Variants in OXA1L observed in about 807,000 individuals in gnomAD.
The protein encoded by OXA1L is mitochondrial inner membrane protein OXA1L.
Under a neutral mutation model 52.2 loss-of-function variants are expected in OXA1L, and 42 were observed. The ratio of observed to expected loss-of-function variants is 0.80; its 90% CI spans 0.63 to 1.04. The LOEUF (loss-of-function observed/expected upper bound fraction) is 1.04, where lower values mean the gene tolerates loss of function less well. Among genes scored for constraint, OXA1L ranks in the 50% least tolerant of loss-of-function variants. The probability of loss-of-function intolerance (pLI) is 0.00; values close to 1 mark genes in which losing one functional copy is unlikely to be tolerated. For synonymous variants in OXA1L, 239 were observed against 201.9 expected (o/e 1.18, Z -1.56); for missense variants, 572 against 555.0 (o/e 1.03, Z -0.31).
intron 6 of OXA1L, 28 bp downstream of exon 6, chr14:22,770,653 C>G (rs778139833): frequency 6.2e-7 from 1 of 1,604,322 alleles, no homozygotes; most frequent in Non-Finnish European, 8.5e-7. Context: ...AAGTGCCAGG[C>G]CTGCAAAGTG....
chr14:22,767,230 A>C lies in OXA1L; in HGVS notation c.64-18A>C. 1 of 1,595,058 alleles carries C rather than the reference A, an allele frequency of 6.3e-7. No homozygotes were observed. Among genetic ancestry groups the C allele is most frequent in the Non-Finnish European group, 8.5e-7 (1 of 1,172,080 alleles). On this transcript the variant is annotated intron_variant, in intron 1 of 9. Transcript: ENST00000612549. Reference sequence around the variant, plus strand: ...CTGCTCCCGGTAAAGGGGCTCCATCATCCTTTTACACGCTCAGGTCCACAG... The same window carrying C: ...CTGCTCCCGGTAAAGGGGCTCCATCCTCCTTTTACACGCTCAGGTCCACAG...
chr14:22,770,686 A>G, intron 6 of OXA1L, 61 bp downstream of exon 6: 2 of 1,571,808 alleles, frequency 1.3e-6, no homozygotes, highest in Non-Finnish European at 1.7e-6. Flanking sequence ...AGGGTAAAGT[A>G]GTTGTACAGA....
chr14:22,770,826 C>G lies in OXA1L; in HGVS notation c.856C>G (p.Gln286Glu). The change falls in exon 7 of 10, where the codon CAA becomes GAA. Residue 286 changes from glutamine (Q) to glutamate (E), a missense_variant. Gln to Glu is a conservative substitution (Grantham distance 29, BLOSUM62 2). Coordinates refer to ENST00000612549, the MANE Select transcript of OXA1L (RefSeq NM_005015.5). ...GCAGCTAGGTGCTGAGACAGGTGTG[C>G]AAAGTTCTGACCTTCAGTGGATGAG... ...VLELGAETGV[Q>E]SSDLQWMRNV... 1 of 1,614,120 alleles carries G rather than the reference C, an allele frequency of 6.2e-7. No individual in the cohort carries two copies. Among genetic ancestry groups the G allele is most frequent in the East Asian group, 2.2e-5 (1 of 44,888 alleles).
chr14:22,769,474 C>T (rs2038439040), intron 3 of OXA1L, among the ~76,000 whole-genome samples: 1 of 152,196 alleles, frequency 6.6e-6, no homozygotes, highest in South Asian at 2.1e-4. Flanking sequence ...CTGGCTTTTA[C>T]TCATATCACC....
chr14:22,767,646 A>G (rs1303086659), intron 2 of OXA1L: 2 of 515,524 alleles, frequency 3.9e-6, no homozygotes, highest in Non-Finnish European at 6.8e-6. Context: ...AAGAAAAGCA[A>G]TTGTTTCATG....
In OXA1L at chr14:22,768,137, T is replaced by G. The variant is rs549435415; in HGVS notation, c.405T>G (p.Asp135Glu). ...ATTTACTGGAATTTATGCATGTTGA[T>G]CTGGGCCTACCTTGGTGGGGGGCCA... is the stretch of plus-strand genomic sequence containing the variant. ...IQNLLEFMHV[D>E]LGLPWWGAIA... Residue 135 changes from aspartate to glutamate, a missense_variant, in exon 3 of 10, where the codon GAT becomes GAG. This residue lies in a region of OXA1L where 132 missense variants were observed against 124.0 expected (regional missense o/e 1.06). Transcript: ENST00000612549. 14 of 1,614,196 alleles carry G rather than the reference T, an allele frequency of 8.7e-6. 1 individual carries two copies. In the South Asian group the frequency reaches 1.5e-4, roughly 18 times the overall value.
Position 22,771,002 on chromosome 14 carries a change from C to G in OXA1L, c.940-16C>G. ...GGGATACAGCTTCTGAGTCCCTTCT[C>G]TGTGTTCTCACCCAGGCAGTGTTTA... On this transcript the variant is annotated splice_polypyrimidine_tract_variant and intron_variant, in intron 7 of 9. Coordinates refer to ENST00000612549, the MANE Select transcript of OXA1L (RefSeq NM_005015.5). The G allele has an allele frequency of 6.2e-7, 1 of 1,614,170 alleles. No individual in the cohort carries two copies. Among genetic ancestry groups the G allele is most frequent in the African/African-American group, 1.3e-5 (1 of 75,062 alleles).
Position 22,771,494 on chromosome 14 carries a change from C to A in OXA1L, c.1244C>A (p.Pro415His). The part of the protein sequence containing the change: ...PLLQPGKDNP[P>H]NIPSSSSKPK... ...CTACAACCTGGAAAGGATAACCCTC[C>A]CAATATCCCTAGCAGCAGCAGCAAA... Residue 415 changes from proline to histidine, a missense_variant, in exon 10 of 10, where the codon CCC (proline) becomes CAC (histidine). Pro to His is a moderately conservative substitution (Grantham distance 77). Around this residue, in one of 5 missense-constraint regions of OXA1L, gnomAD observed 244 missense variants for 240.2 expected, o/e 1.02. Coordinates refer to ENST00000612549, the MANE Select transcript of OXA1L (RefSeq NM_005015.5). The A allele has an allele frequency of 6.2e-7, 1 of 1,608,088 alleles. No homozygotes were observed. The highest frequency in any genetic ancestry group is 8.5e-7 in the Non-Finnish European group (1 of 1,177,096).
chr14:22,767,116 G>A, intron 1 of OXA1L, 132 bp from the exon 2 acceptor site: 1 of 1,535,320 alleles, frequency 6.5e-7, no homozygotes. Flanking sequence ...TGCGCGCGGT[G>A]ATAGCAATGT....
At chr14:22,767,067 T>G (rs971262003) in intron 1 of OXA1L, 181 bp from the exon 2 acceptor site, 4 of 1,536,408 alleles carry the variant, frequency 2.6e-6, no homozygotes, top group Admixed American at 3.9e-5. Context: ...AGCTTCGCTC[T>G]GCAGGCACCA....
Position 22,770,189 on chromosome 14 carries a change from A to G in OXA1L, c.584-4A>G. 6.2e-7 allele frequency: 1 copy of G among 1,600,106 alleles called. No homozygotes were observed. Among genetic ancestry groups the G allele is most frequent in the Non-Finnish European group, 8.6e-7 (1 of 1,167,366 alleles). On this transcript the variant is annotated splice_region_variant and splice_polypyrimidine_tract_variant and intron_variant, in intron 4 of 9. Transcript: ENST00000612549. ...CCAACCATTAATTTCCCCTCACCTCACAGATTACAAGGCTTCCTCGGAGAT... is the reference window on the plus strand; with the variant it reads ...CCAACCATTAATTTCCCCTCACCTCGCAGATTACAAGGCTTCCTCGGAGAT...
intron 4 of OXA1L, 121 bp from the exon 5 acceptor site, chr14:22,770,072 T>A: frequency 7.3e-7 from 1 of 1,373,246 alleles, no homozygotes; most frequent in Non-Finnish European, 1.0e-6. Context: ...TTCTTAGACC[T>A]AATGCTCCCA....
Position 22,771,542 on chromosome 14 carries a change from A to G in OXA1L, c.1292A>G (p.His431Arg). The G allele has an allele frequency of 6.2e-7, 1 of 1,614,212 alleles. No individual in the cohort carries two copies. Residue 431 changes from histidine (H) to arginine (R), a missense_variant, in exon 10 of 10, where the codon CAC becomes CGC. By Grantham distance (29) the His-to-Arg change is conservative. Coordinates refer to ENST00000612549, the MANE Select transcript of OXA1L (RefSeq NM_005015.5). ...AAACCAAAGTCAAAGTATCCCTGGC[A>G]CGACACACTTGGCTGACTTATGTTC... ...SSKPKSKYPW[H>R]DTLG
At chr14:22,768,324 T>C (rs2038428573) in intron 3 of OXA1L, 153 bp downstream of exon 3, 2 of 624,898 alleles carry the variant, frequency 3.2e-6, no homozygotes, top group Admixed American at 2.6e-5. Flanking sequence ...CTAGATGCAC[T>C]CTGCCTATAT....
chr14:22,772,555 A>G lies in OXA1L; in HGVS notation c.*997A>G, dbSNP rs569315726. ...TTCCAACCCATGCATGTGTTGTTCT[A>G]TGCACATTTGGATTGCAGTCTAGAG... On this transcript the variant is annotated 3_prime_UTR_variant, in exon 10 of 10. Coordinates refer to ENST00000612549, the MANE Select transcript of OXA1L (RefSeq NM_005015.5). The G allele has an allele frequency of 3.4e-5, 5 of 146,344 alleles. No individual in the cohort carries two copies. Among genetic ancestry groups the G allele is most frequent in the South Asian group, 2.2e-4 (1 of 4,590 alleles). 9.1% of individuals were successfully genotyped at this position (146,344 alleles called of 1,614,324 possible). A position where few individuals can be genotyped will look rare whatever the true frequency, so the allele number is the denominator to read the frequency against.
rs1159298878 is a variant in OXA1L, at chr14:22,772,496, A to C, written c.*938A>C. The C allele has an allele frequency of 5.9e-5, 2 of 34,172 alleles. No individual in the cohort carries two copies. Among genetic ancestry groups the C allele is most frequent in the African/African-American group, 1.4e-4 (2 of 14,486 alleles). 2.1% of individuals were successfully genotyped at this position (34,172 alleles called of 1,614,324 possible). A position where few individuals can be genotyped will look rare whatever the true frequency, so the allele number is the denominator to read the frequency against. ...AGAGTGAGACTCCTTCTCAAAAAAA[A>C]AAAAAAAAAAAAAAAAAAAAAAACA... On this transcript the variant is annotated 3_prime_UTR_variant, in exon 10 of 10. Transcript: ENST00000612549.
chr14:22,769,667 T>C (rs1312009438), intron 3 of OXA1L, 124 bp from the exon 4 acceptor site: 2 of 989,578 alleles, frequency 2.0e-6, no homozygotes, highest in South Asian at 3.1e-5. Context: ...CTGGGCCTCT[T>C]AGGCATGAGT....
chr14:22,770,996 C>T, intron 7 of OXA1L, 22 bp from the exon 8 acceptor site: 1 of 1,614,090 alleles, frequency 6.2e-7, no homozygotes, highest in Non-Finnish European at 8.5e-7. Context: ...CTTCTGAGTC[C>T]CTTCTCTGTG....
In OXA1L at chr14:22,767,457, T is replaced by C. The variant is rs201474062; in HGVS notation, c.225+48T>C. ...AATATTAGGAGTGGTGTTTCCTGGT[T>C]GGTTTCATATTTTGTTTTGTTTGGG... On this transcript the variant is annotated intron_variant, in intron 2 of 9. Coordinates refer to ENST00000612549, the MANE Select transcript of OXA1L (RefSeq NM_005015.5). 2.6e-6 allele frequency: 4 copies of C among 1,525,658 alleles called. No individual in the cohort carries two copies. In the East Asian group the frequency reaches 6.9e-5, roughly 26 times the overall value. The allele number at this position is 1,525,658 out of a possible 1,614,324, so 94.5% of individuals were successfully genotyped here. A position where few individuals can be genotyped will look rare whatever the true frequency, so the allele number is the denominator to read the frequency against.
Sources: gnomAD v4.1 joint callset for allele counts (sites outside exome capture counted in the v4.1 genomes callset) on GRCh38, gnomAD v4.1.1 for gene constraint, gnomAD v4.1.1 regional missense constraint, MANE v1.5 for transcripts, NCBI Gene and HGNC (gene_info 2026-07-23, HGNC 2026-07-21) for gene names.